The following GNAO1 variants were observed in gnomAD, a reference collection of about 807,000 sequenced individuals.
The protein encoded by GNAO1 is guanine nucleotide-binding protein G(o) subunit alpha.
For missense variants in GNAO1, 166 were observed against 478.7 expected, an observed-to-expected ratio of 0.35 and a Z score of 6.10; for synonymous variants, 164 against 180.7, an observed-to-expected ratio of 0.91 and a Z score of 0.74.
At chr16:56,308,689 C>T (rs1012175363) in intron 3 of GNAO1, among the ~76,000 whole-genome samples, 1 of 152,096 alleles carries the variant, frequency 6.6e-6, no homozygotes, top group Admixed American at 6.5e-5. Context: ...AGGAACAGGA[C>T]CACAGTTGGA....
intron 2 of GNAO1, among the ~76,000 whole-genome samples, chr16:56,196,369 C>T (rs1355737542): frequency 2.0e-5 from 3 of 152,098 alleles, no homozygotes; most frequent in African/African-American, 7.2e-5. Context: ...ATTTTGTAGT[C>T]AGTCAATAAG....
At chr16:56,256,789 A>G (rs895283183) in intron 2 of GNAO1, among the ~76,000 whole-genome samples, 8 of 146,648 alleles carry the variant, frequency 5.5e-5, no homozygotes, top group Non-Finnish European at 1.2e-4. Flanking sequence ...GGCTATCCCT[A>G]TGGCTGCACT....
intron 2 of GNAO1, among the ~76,000 whole-genome samples, chr16:56,199,094 G>T (rs2036259357): frequency 6.6e-6 from 1 of 152,202 alleles, no homozygotes; most frequent in South Asian, 2.1e-4. Context: ...TGTCAACGGT[G>T]TATGAAATTG....
Position 56,191,894 on chromosome 16 carries a change from A to G in GNAO1, c.-342A>G. ...CGGCTCCAGCCTCGACTATTATTTT[A>G]TTTATTTTGGGTCGTGCACAAGCCT... On this transcript the variant is annotated 5_prime_UTR_variant, in exon 1 of 9. Transcript: ENST00000262493. The surrounding 1 kb of genome is among the most constrained non-coding windows in gnomAD (Gnocchi z 4.7). 5.0e-6 allele frequency: 1 copy of G among 199,794 alleles called. No individual in the cohort carries two copies. 12.4% of individuals were successfully genotyped at this position (199,794 alleles called of 1,614,324 possible).
rs1335285489 is a variant in GNAO1 at position 56,192,165 on chromosome 16, G to C, written c.-71G>C. 1 of 832,444 alleles carries C rather than the reference G, an allele frequency of 1.2e-6. No individual in the cohort carries two copies. Among genetic ancestry groups the C allele is most frequent in the Non-Finnish European group, 2.0e-6 (1 of 496,578 alleles). The allele number at this position is 832,444 out of a possible 1,614,324, so 51.6% of individuals were successfully genotyped here. On this transcript the variant is annotated 5_prime_UTR_variant, in exon 1 of 9. Transcript: ENST00000262493. ...GAGCCCAGGCTCTGCTCTCTGGGGG[G>C]GTGGGGGGCGCTCCAAGCCGGGGAG...
chr16:56,317,948 G>A (rs1459825378), intron 3 of GNAO1, among the ~76,000 whole-genome samples: 2 of 152,192 alleles, frequency 1.3e-5, no homozygotes, highest in African/African-American at 4.8e-5. Flanking sequence ...CGCAGGCCTT[G>A]CTCAGAATCC....
intron 3 of GNAO1, among the ~76,000 whole-genome samples, chr16:56,287,374 C>G (rs908622728): frequency 2.0e-4 from 31 of 152,356 alleles, no homozygotes; most frequent in African/African-American, 7.5e-4. Flanking sequence ...TGGCCCTGCC[C>G]TCTGCCAGGC....
chr16:56,261,750 C>CCTATGGTG (rs1253084533), intron 2 of GNAO1, among the ~76,000 whole-genome samples: 2 of 152,136 alleles, frequency 1.3e-5, no homozygotes, highest in African/African-American at 2.4e-5. Context: ...CAGCTGCTGT[C>CCTATGGTG]CTATGGTGGT....
intron 3 of GNAO1, among the ~76,000 whole-genome samples, chr16:56,297,747 T>C (rs927942275): frequency 4.2e-4 from 64 of 152,224 alleles, no homozygotes; most frequent in African/African-American, 1.5e-3. Flanking sequence ...GAGTACTTTT[T>C]CCCCTCCTTA....
chr16:56,347,574 A>C (rs2037883356), intron 6 of GNAO1: 1 of 985,502 alleles, frequency 1.0e-6, no homozygotes, highest in South Asian at 4.7e-5. Flanking sequence ...GGGGAAAAGC[A>C]GAAAGAATGG....
chr16:56,256,011 C>T (rs1269078694), intron 2 of GNAO1, among the ~76,000 whole-genome samples: 2 of 152,242 alleles, frequency 1.3e-5, no homozygotes, highest in African/African-American at 4.8e-5. Flanking sequence ...TTTCATTTGT[C>T]TCTTGGAGCA....
intron 2 of GNAO1, among the ~76,000 whole-genome samples, chr16:56,249,018 G>A (rs1235592422): frequency 1.3e-5 from 2 of 152,158 alleles, no homozygotes; most frequent in African/African-American, 4.8e-5. Flanking sequence ...CTACTAGGCC[G>A]CACAAATTCA....
intron 2 of GNAO1, among the ~76,000 whole-genome samples, chr16:56,262,776 T>C (rs2036915631): frequency 6.6e-6 from 1 of 152,196 alleles, no homozygotes; most frequent in African/African-American, 2.4e-5. Context: ...CCAGAAATGT[T>C]ACTTAGATCT....
intron 3 of GNAO1, among the ~76,000 whole-genome samples, chr16:56,277,985 C>G (rs1296371625): frequency 6.6e-6 from 1 of 152,160 alleles, no homozygotes; most frequent in Non-Finnish European, 1.5e-5. Context: ...ATTCATTGTT[C>G]CCATGGGATT....
At chr16:56,296,108 G>T (rs1452047706) in intron 3 of GNAO1, among the ~76,000 whole-genome samples, 1 of 152,202 alleles carries the variant, frequency 6.6e-6, no homozygotes, top group Non-Finnish European at 1.5e-5. Flanking sequence ...GCTTTACAAG[G>T]GAGACTGGAA....
intron 2 of GNAO1, among the ~76,000 whole-genome samples, chr16:56,262,653 A>G (rs1360143168): frequency 6.6e-6 from 1 of 152,180 alleles, no homozygotes; most frequent in African/African-American, 2.4e-5. Context: ...CTCCCAATGT[A>G]CAGTATTGTT....
rs747990383 is a variant in GNAO1 at position 56,276,079 on chromosome 16, C to A, written c.303+7C>A. 1 of 1,611,252 alleles carries A rather than the reference C, an allele frequency of 6.2e-7. No individual in the cohort carries two copies. Among genetic ancestry groups the A allele is most frequent in the Admixed American group, 1.7e-5 (1 of 59,692 alleles). ...TGGTGATAAGGAGAGAAAGGTAGGC[C>A]CCTGAGCCCATAAGCACAGCAACAA... On this transcript the variant is annotated splice_region_variant and intron_variant, in intron 3 of 8. Coordinates refer to ENST00000262493, the MANE Select transcript of GNAO1 (RefSeq NM_020988.3).
intron 6 of GNAO1, chr16:56,345,741 C>T (rs2143688882): frequency 1.0e-6 from 1 of 985,614 alleles, no homozygotes; most frequent in Non-Finnish European, 1.2e-6. Context: ...TAAGCTAAGC[C>T]ATCCCGCCCA....
intron 2 of GNAO1, among the ~76,000 whole-genome samples, chr16:56,254,122 C>T (rs1160545508): frequency 6.6e-6 from 1 of 151,948 alleles, no homozygotes; most frequent in Non-Finnish European, 1.5e-5. Flanking sequence ...AAGTTTATAT[C>T]TGTGATCAAG....
Sources: allele counts gnomAD v4.1 joint callset (sites outside exome capture counted in the v4.1 genomes callset), GRCh38; gene constraint gnomAD v4.1.1; non-coding constraint Gnocchi (gnomAD v3.1); transcripts MANE v1.5; gene names NCBI Gene and HGNC (gene_info 2026-07-23, HGNC 2026-07-21).